PCDHA13: variants seen among roughly 807,000 people sequenced by gnomAD.
PCDHA13 encodes protocadherin alpha-13.
In PCDHA13, 54 loss-of-function variants were observed where a neutral mutation model predicts 64.8. That is an observed-to-expected ratio of 0.83 (90% CI 0.67 to 1.04). PCDHA13 has a LOEUF of 1.04. PCDHA13 is among the 50% of genes least tolerant of loss of function. The pLI is 0.00. For synonymous variants in PCDHA13, 587 were observed against 564.4 expected, an observed-to-expected ratio of 1.04 and a Z score of -0.57; for missense variants, 1,248 against 1,254.3, an observed-to-expected ratio of 0.99 and a Z score of 0.08.
chr5:140,972,832 T>G (rs1209140344), intron 1 of PCDHA13, among the ~76,000 whole-genome samples: 9 of 151,882 alleles, frequency 5.9e-5, no homozygotes. Flanking sequence ...CCTGGCTAAT[T>G]TTTGTATTTT....
chr5:140,942,591 T>C (rs1180688838), intron 1 of PCDHA13, among the ~76,000 whole-genome samples: 1 of 147,516 alleles, frequency 6.8e-6, no homozygotes, highest in East Asian at 2.0e-4. Context: ...ATGTCACATA[T>C]AATTATAGTG....
At chr5:140,981,812 A>C (rs1563492177) in intron 2 of PCDHA13, among the ~76,000 whole-genome samples, 1 of 152,052 alleles carries the variant, frequency 6.6e-6, no homozygotes, top group African/African-American at 2.4e-5. Context: ...TTTATGTTCT[A>C]TCTCTGCTTG....
intron 1 of PCDHA13, among the ~76,000 whole-genome samples, chr5:140,888,585 AC>A (rs1327529840): frequency 4.6e-5 from 7 of 152,358 alleles, no homozygotes; most frequent in African/African-American, 1.4e-4. Flanking sequence ...ATTTGTTAGT[AC>A]ACATTCAGAG....
intron 1 of PCDHA13, among the ~76,000 whole-genome samples, chr5:140,952,990 G>T (rs1218296143): frequency 6.6e-6 from 1 of 152,042 alleles, no homozygotes; most frequent in Non-Finnish European, 1.5e-5. Context: ...GATCTCATGA[G>T]AACTCTCTCA....
At chr5:141,008,211 G>A (rs1032443788) in intron 3 of PCDHA13, among the ~76,000 whole-genome samples, 6 of 152,168 alleles carry the variant, frequency 3.9e-5, no homozygotes, top group Admixed American at 2.0e-4. Context: ...AACTTGACAT[G>A]AGTTATGTTA....
chr5:140,917,741 C>G (rs2078335946), intron 1 of PCDHA13, among the ~76,000 whole-genome samples: 1 of 152,048 alleles, frequency 6.6e-6, no homozygotes, highest in Non-Finnish European at 1.5e-5. Flanking sequence ...CTAACCTGTC[C>G]CATTGGTCTA....
chr5:140,918,991 G>A (rs1453656237), intron 1 of PCDHA13, among the ~76,000 whole-genome samples: 2 of 152,184 alleles, frequency 1.3e-5, no homozygotes, highest in African/African-American at 4.8e-5. Flanking sequence ...GGTTTTTAGT[G>A]TTGTTCACAT....
At chr5:140,972,480 C>A (rs558245112) in intron 1 of PCDHA13, among the ~76,000 whole-genome samples, 2 of 151,890 alleles carry the variant, frequency 1.3e-5, no homozygotes, top group East Asian at 3.9e-4. Context: ...AGCATTTAAC[C>A]CCAGACTCTA....
chr5:140,898,980 G>A (rs2067076537), intron 1 of PCDHA13, among the ~76,000 whole-genome samples: 1 of 151,930 alleles, frequency 6.6e-6, no homozygotes, highest in South Asian at 2.1e-4. Flanking sequence ...CTCATGATTT[G>A]GCTCTCTGTT....
At chr5:140,885,280 A>G (rs2060543465) in intron 1 of PCDHA13, among the ~76,000 whole-genome samples, 2 of 152,138 alleles carry the variant, frequency 1.3e-5, no homozygotes, top group Admixed American at 6.5e-5. Context: ...ATATATATAC[A>G]TATATAGAGA....
At chr5:140,897,252 A>G (rs1179343621) in intron 1 of PCDHA13, among the ~76,000 whole-genome samples, 3 of 152,018 alleles carry the variant, frequency 2.0e-5, no homozygotes, top group East Asian at 3.9e-4. Flanking sequence ...TTACATATGT[A>G]TACATGTGCC....
intron 3 of PCDHA13, among the ~76,000 whole-genome samples, chr5:140,987,711 T>C (rs2097265419): frequency 6.6e-6 from 1 of 152,208 alleles, no homozygotes; most frequent in South Asian, 2.1e-4. Flanking sequence ...TTTCCAGGTA[T>C]GAGTCTATCC....
At chr5:140,887,829 G>A (rs2061597831) in intron 1 of PCDHA13, among the ~76,000 whole-genome samples, 1 of 151,932 alleles carries the variant, frequency 6.6e-6, no homozygotes, top group Non-Finnish European at 1.5e-5. Flanking sequence ...GCCTCATTTT[G>A]AATATCTTTT....
intron 1 of PCDHA13, among the ~76,000 whole-genome samples, chr5:140,890,477 C>T (rs1255992157): frequency 2.0e-5 from 3 of 151,926 alleles, no homozygotes; most frequent in African/African-American, 7.3e-5. Flanking sequence ...ATTTTTTGTG[C>T]GTTATTTTTG....
chr5:140,991,885 A>G (rs1554252463), intron 3 of PCDHA13, among the ~76,000 whole-genome samples: 1 of 152,198 alleles, frequency 6.6e-6, no homozygotes, highest in Non-Finnish European at 1.5e-5. Context: ...GGCTGCCATA[A>G]CAAATTAACA....
chr5:140,962,495 C>T (rs2153732507), intron 1 of PCDHA13, among the ~76,000 whole-genome samples: 1 of 152,240 alleles, frequency 6.6e-6, no homozygotes, highest in Admixed American at 6.5e-5. Context: ...AATTTTCAGA[C>T]ACCTCAGCCA....
At chr5:141,000,430 T>A (rs1295455270) in intron 3 of PCDHA13, among the ~76,000 whole-genome samples, 2 of 126,420 alleles carry the variant, frequency 1.6e-5, no homozygotes, top group African/African-American at 6.1e-5. Context: ...TATTTTTTTT[T>A]TTTTTTTTTT....
intron 1 of PCDHA13, chr5:140,969,045 C>G: frequency 1.2e-6 from 2 of 1,614,090 alleles, no homozygotes. Flanking sequence ...TACAAACAAG[C>G]CAACAACAAT....
intron 1 of PCDHA13, chr5:140,927,933 C>T (rs1273187123): frequency 1.9e-6 from 3 of 1,614,090 alleles, no homozygotes; most frequent in African/African-American, 2.7e-5. Context: ...CTCTTTCGAA[C>T]CCAGTACCTG....
Sources: allele counts gnomAD v4.1 joint callset (sites outside exome capture counted in the v4.1 genomes callset), GRCh38; gene constraint gnomAD v4.1.1; transcripts MANE v1.5; gene names NCBI Gene and HGNC (gene_info 2026-07-23, HGNC 2026-07-21).